The following GRIN2A variants were observed in gnomAD, a reference collection of about 807,000 sequenced individuals.
GRIN2A encodes the protein glutamate ionotropic receptor NMDA type subunit 2A.
In GRIN2A, 22 loss-of-function variants were observed where a neutral mutation model predicts 113.4. The ratio of observed to expected loss-of-function variants is 0.19; its 90% confidence interval spans 0.14 to 0.28. The LOEUF is 0.28. Ranked by LOEUF, GRIN2A falls within the 10% of genes least tolerant of loss-of-function variation. The pLI is 1.00. For synonymous variants in GRIN2A, 827 were observed against 738.4 expected, an observed-to-expected ratio of 1.12 and a Z score of -1.94; for missense variants, 1,502 against 1,887.0, an observed-to-expected ratio of 0.80 and a Z score of 3.78.
intron 2 of GRIN2A, among the ~76,000 whole-genome samples, chr16:10,137,246 C>G (rs1195397261): frequency 6.6e-6 from 1 of 152,182 alleles, no homozygotes; most frequent in Non-Finnish European, 1.5e-5. Context: ...CTACATAACC[C>G]TAATAAGTAG....
intron 2 of GRIN2A, among the ~76,000 whole-genome samples, chr16:10,127,170 T>G (rs1320377260): frequency 1.3e-5 from 2 of 152,006 alleles, no homozygotes; most frequent in African/African-American, 4.8e-5. Flanking sequence ...AGGTAGAGAT[T>G]GCAGTGAGCA....
At chr16:9,893,523 T>C (rs763216906) in intron 3 of GRIN2A, among the ~76,000 whole-genome samples, 9 of 152,292 alleles carry the variant, frequency 5.9e-5, no homozygotes, top group Admixed American at 3.3e-4. Flanking sequence ...CTGTAGTGCA[T>C]TGGCACAATC....
At chr16:10,107,286 G>A (rs1186898889) in intron 2 of GRIN2A, among the ~76,000 whole-genome samples, 2 of 152,204 alleles carry the variant, frequency 1.3e-5, no homozygotes, top group East Asian at 3.8e-4. Flanking sequence ...CATGTAGGAA[G>A]ATGGATGAGG....
At chr16:9,966,979 C>G (rs936465167) in intron 2 of GRIN2A, among the ~76,000 whole-genome samples, 1 of 152,190 alleles carries the variant, frequency 6.6e-6, no homozygotes, top group Non-Finnish European at 1.5e-5. Context: ...CTTCAGCCTT[C>G]AGCAGTAGTG....
chr16:9,845,706 C>T (rs993051190), intron 5 of GRIN2A, among the ~76,000 whole-genome samples: 7 of 152,152 alleles, frequency 4.6e-5, no homozygotes, highest in Non-Finnish European at 4.4e-5. Context: ...AGGCTTTGCC[C>T]AGATATTCAC....
chr16:9,932,396 G>T (rs1326292702), intron 3 of GRIN2A, among the ~76,000 whole-genome samples: 1 of 151,946 alleles, frequency 6.6e-6, no homozygotes, highest in Non-Finnish European at 1.5e-5. Context: ...TTTTTTGAGA[G>T]ACTGGGTCTT....
chr16:10,122,187 T>C (rs1478702995), intron 2 of GRIN2A, among the ~76,000 whole-genome samples: 2 of 152,144 alleles, frequency 1.3e-5, no homozygotes, highest in African/African-American at 2.4e-5. Context: ...CTGATAATAT[T>C]TGGCCATGAG....
chr16:10,070,454 G>A (rs1008132430), intron 2 of GRIN2A, among the ~76,000 whole-genome samples: 3 of 152,152 alleles, frequency 2.0e-5, no homozygotes, highest in African/African-American at 7.2e-5. Flanking sequence ...GAGAATCACT[G>A]GTCCACAGCT....
chr16:9,810,740 G>C (rs2042070593), intron 10 of GRIN2A, among the ~76,000 whole-genome samples: 1 of 152,188 alleles, frequency 6.6e-6, no homozygotes, highest in Non-Finnish European at 1.5e-5. Flanking sequence ...CCAGAACTGA[G>C]AATAAAATTC....
rs140506116 is a variant in GRIN2A at position 10,065,118 on chromosome 16, CT to C, written c.414+114879del. Among the ~76,000 whole-genome samples the C allele has an allele frequency of 6.2e-3, 945 of 152,284 alleles. 16 individuals are homozygous for C. Among genetic ancestry groups the C allele is most frequent in the African/African-American group, 0.022 (895 of 41,548 alleles). ...TTCAACACAAACAGAAAATTAATCTCTGATGCAATTGGGCATTCATACATGC... is the reference window on the plus strand; with the variant it reads ...TTCAACACAAACAGAAAATTAATCTCGATGCAATTGGGCATTCATACATGC... On this transcript the variant is annotated intron_variant, in intron 2 of 12. Coordinates refer to ENST00000330684, the MANE Select transcript of GRIN2A (RefSeq NM_001134407.3).
intron 10 of GRIN2A, among the ~76,000 whole-genome samples, chr16:9,799,673 A>G (rs1046468940): frequency 6.6e-6 from 1 of 152,312 alleles, no homozygotes; most frequent in African/African-American, 2.4e-5. Context: ...CGAAAATGTT[A>G]TTATGCCACA....
In GRIN2A at chr16:10,180,321, G is replaced by A. The variant is rs199942034; in HGVS notation, c.91C>T (p.Pro31Ser). 12 of 1,610,404 alleles carry A rather than the reference G, an allele frequency of 7.5e-6. No homozygotes were observed. The African/African-American group carries it at 9.3e-5, about 13-fold the overall frequency. ...ATCACCGCAATATTTAGCGCGGGGG[G>A]ACCCTTCTCCGCCGCCGCGCTCGGC... ...PAPSAAAEKG[P>S]PALNIAVMLG... Residue 31 changes from proline (P) to serine (S), a missense_variant, in exon 2 of 13, where the codon CCC (proline) becomes TCC (serine). Around this residue, in one of 7 missense-constraint regions of GRIN2A, gnomAD observed 149 missense variants for 179.1 expected, o/e 0.83. Coordinates refer to ENST00000330684, the MANE Select transcript of GRIN2A (RefSeq NM_001134407.3). This position sits in a 1 kb window ranked among gnomAD's most constrained non-coding sequence, Gnocchi z 7.0.
chr16:9,797,995 C>G (rs994928973), intron 11 of GRIN2A, among the ~76,000 whole-genome samples: 6 of 152,224 alleles, frequency 3.9e-5, no homozygotes, highest in African/African-American at 1.4e-4. Context: ...GGCACCAGGA[C>G]TGTCCTGGCT....
At chr16:10,130,380 T>C (rs1448490375) in intron 2 of GRIN2A, among the ~76,000 whole-genome samples, 1 of 152,168 alleles carries the variant, frequency 6.6e-6, no homozygotes, top group Non-Finnish European at 1.5e-5. Flanking sequence ...ATCTTAGAAT[T>C]AATAGAATTT....
chr16:9,893,607 C>T (rs1209241581), intron 3 of GRIN2A, among the ~76,000 whole-genome samples: 1 of 152,170 alleles, frequency 6.6e-6, no homozygotes, highest in Non-Finnish European at 1.5e-5. Context: ...GCTAGGGTTA[C>T]AGGTGCCCAC....
At chr16:10,041,204 A>AT (rs1435155663) in intron 2 of GRIN2A, among the ~76,000 whole-genome samples, 2 of 152,216 alleles carry the variant, frequency 1.3e-5, no homozygotes, top group Non-Finnish European at 2.9e-5. Flanking sequence ...TCGTAAGCTC[A>AT]TTTTTACCAG....
chr16:10,050,655 A>G (rs1055226260), intron 2 of GRIN2A, among the ~76,000 whole-genome samples: 2 of 152,014 alleles, frequency 1.3e-5, no homozygotes, highest in Non-Finnish European at 2.9e-5. Context: ...ATTTCATTAT[A>G]TATTATAATG....
intron 2 of GRIN2A, among the ~76,000 whole-genome samples, chr16:9,942,942 G>C (rs969460144): frequency 6.6e-6 from 1 of 152,186 alleles, no homozygotes; most frequent in African/African-American, 2.4e-5. Flanking sequence ...TAATTGCATA[G>C]CAGAGCAATG....
chr16:10,063,667 C>G (rs553311808), intron 2 of GRIN2A, among the ~76,000 whole-genome samples: 170 of 152,298 alleles, frequency 1.1e-3, no homozygotes, highest in Non-Finnish European at 2.1e-3. Context: ...ATCAGAGGAT[C>G]TAAATTACAT....
Sources: gnomAD v4.1 joint callset for allele counts (sites outside exome capture counted in the v4.1 genomes callset) on GRCh38, gnomAD v4.1.1 for gene constraint, gnomAD v4.1.1 regional missense constraint, Gnocchi (gnomAD v3.1) non-coding constraint, MANE v1.5 for transcripts, NCBI Gene and HGNC (gene_info 2026-07-23, HGNC 2026-07-21) for gene names.